Variants in NPHP1 observed in about 807,000 individuals in gnomAD.
The protein encoded by NPHP1 is nephrocystin 1.
Under a neutral mutation model 90.4 loss-of-function variants are expected in NPHP1, and 70 were observed. The ratio of observed to expected loss-of-function variants is 0.77; its 90% CI spans 0.64 to 0.95. NPHP1 has a LOEUF of 0.95. NPHP1 is among the 40% of genes least tolerant of loss of function. The probability of loss-of-function intolerance (pLI) is 0.00; values close to 1 mark genes in which losing one functional copy is unlikely to be tolerated. For missense variants in NPHP1, 764 were observed against 795.9 expected (o/e 0.96, Z 0.48); for synonymous variants, 256 against 271.7 (o/e 0.94, Z 0.57).
intron 2 of NPHP1, chr2:110,185,313 C>A: frequency 2.7e-6 from 1 of 369,576 alleles, no homozygotes; most frequent in South Asian, 2.3e-5. Context: ...TGAGCACATG[C>A]AAGTGCCATG....
At chr2:110,129,867 C>T (rs1191304975) in intron 17 of NPHP1, among the ~76,000 whole-genome samples, 2 of 152,170 alleles carry the variant, frequency 1.3e-5, no homozygotes, top group South Asian at 2.1e-4. Flanking sequence ...CAAAGAAGCA[C>T]ATCAGGAAAG....
chr2:110,204,681 G>A (rs977275535), intron 1 of NPHP1, among the ~76,000 whole-genome samples: 2 of 151,888 alleles, frequency 1.3e-5, no homozygotes, highest in African/African-American at 4.8e-5. Context: ...ATTTTGGGAG[G>A]TTTCGCCTTT....
At chr2:110,125,753 T>C in intron 18 of NPHP1, 72 bp from the exon 19 acceptor site, 2 of 1,229,980 alleles carry the variant, frequency 1.6e-6, no homozygotes, top group South Asian at 1.2e-5. Context: ...GCAAATTTAC[T>C]CTGTAAATAA....
chr2:110,165,152 A>G lies in NPHP1; in HGVS notation c.628T>C (p.Tyr210His). The change falls in exon 7 of 20, where the codon TAT becomes CAT. Residue 210 changes from tyrosine (Y) to histidine (H), a missense_variant. Coordinates refer to ENST00000445609, the MANE Select transcript of NPHP1 (RefSeq NM_001128178.3). ...TCTTGGCCTTCTTCTTCTTCACTAT[A>G]AGGCTAAAAAACCATTGAAATGTGA... is the stretch of plus-strand genomic sequence containing the variant. Reference protein sequence around the residue: ...GLVPRTYLEPYSEEEEGQESS... With the variant: ...GLVPRTYLEPHSEEEEGQESS... 6.2e-7 allele frequency: 1 copy of G among 1,610,610 alleles called. No homozygotes were observed. Among genetic ancestry groups the G allele is most frequent in the Non-Finnish European group, 8.5e-7 (1 of 1,176,960 alleles).
intron 4 of NPHP1, among the ~76,000 whole-genome samples, chr2:110,172,963 T>TTC (rs1491514752): frequency 1.9e-5 from 2 of 106,122 alleles, no homozygotes; most frequent in African/African-American, 1.5e-4. Context: ...TTTCTTTTTC[T>TTC]TTTTTTTTTT....
chr2:110,153,569 T>G (rs897041322), intron 11 of NPHP1, among the ~76,000 whole-genome samples: 1 of 152,162 alleles, frequency 6.6e-6, no homozygotes, highest in African/African-American at 2.4e-5. Context: ...ATGTTAACAC[T>G]AGTAGACTGT....
chr2:110,191,147 G>C (rs542868824), intron 2 of NPHP1, among the ~76,000 whole-genome samples: 1 of 152,146 alleles, frequency 6.6e-6, no homozygotes, highest in Non-Finnish European at 1.5e-5. Context: ...CATCTCACTA[G>C]GGACTATCAG....
chr2:110,148,300 T>C (rs1264103962), intron 12 of NPHP1, among the ~76,000 whole-genome samples: 3 of 152,118 alleles, frequency 2.0e-5, no homozygotes, highest in Admixed American at 6.5e-5. Context: ...TCACGTGAGA[T>C]GCCTGCTCTC....
intron 4 of NPHP1, 105 bp from the exon 5 acceptor site, chr2:110,170,103 G>C: frequency 7.0e-7 from 1 of 1,419,322 alleles, no homozygotes; most frequent in Non-Finnish European, 9.9e-7. Flanking sequence ...ATTTGGAGCT[G>C]GCAAATAAAA....
At chr2:110,169,580 G>T (rs1349129459) in intron 5 of NPHP1, among the ~76,000 whole-genome samples, 2 of 152,022 alleles carry the variant, frequency 1.3e-5, no homozygotes, top group Non-Finnish European at 2.9e-5. Context: ...CCTAAATTAG[G>T]AATTCTCAAC....
At position 110,131,675 on chromosome 2, in the gene NPHP1, T is replaced by G; in HGVS notation, c.1642+4A>C. ...CACATAAGGAAGTGGCAAAGCCCAC[T>G]TACCAGTACTTTGCAAGCTCATCCT... On this transcript the variant is annotated splice_donor_region_variant and intron_variant, in intron 17 of 19. Coordinates refer to ENST00000445609, the MANE Select transcript of NPHP1 (RefSeq NM_001128178.3). 2.5e-6 allele frequency: 4 copies of G among 1,583,304 alleles called. No homozygotes were observed. The highest frequency in any genetic ancestry group is 3.5e-6 in the Non-Finnish European group (4 of 1,151,988).
intron 18 of NPHP1, 38 bp downstream of exon 18, chr2:110,129,148 T>G (rs762071663): frequency 2.6e-6 from 4 of 1,522,184 alleles, no homozygotes; most frequent in Non-Finnish European, 3.6e-6. Flanking sequence ...ACTGCTTCCA[T>G]AAGCCAGCAG....
At chr2:110,148,909 C>G (rs1029740206) in intron 12 of NPHP1, among the ~76,000 whole-genome samples, 1 of 152,118 alleles carries the variant, frequency 6.6e-6, no homozygotes, top group East Asian at 1.9e-4. Flanking sequence ...TAAAATCTAT[C>G]CAACCTTCAA....
At chr2:110,132,354 T>A (rs542300791) in intron 16 of NPHP1, among the ~76,000 whole-genome samples, 1 of 152,284 alleles carries the variant, frequency 6.6e-6, no homozygotes, top group African/African-American at 2.4e-5. Flanking sequence ...ACTAAAAGGA[T>A]TAAAATGAAG....
chr2:110,192,427 TGAA>T (rs1684822103), intron 2 of NPHP1, among the ~76,000 whole-genome samples: 1 of 151,860 alleles, frequency 6.6e-6, no homozygotes, highest in Non-Finnish European at 1.5e-5. Flanking sequence ...ATCAAATGAA[TGAA>T]ATAAAGCAAA....
At chr2:110,144,192 T>G in intron 15 of NPHP1, 1 of 405,812 alleles carries the variant, frequency 2.5e-6, no homozygotes, top group Non-Finnish European at 4.5e-6. Context: ...CTGCATCCTT[T>G]GACCCAGCAA....
At chr2:110,182,640 G>C (rs1002048562) in intron 2 of NPHP1, among the ~76,000 whole-genome samples, 2 of 152,134 alleles carry the variant, frequency 1.3e-5, no homozygotes, top group African/African-American at 2.4e-5. Flanking sequence ...GCTCCTGAAG[G>C]AAGGACTAAA....
At position 110,170,796 on chromosome 2, in the gene NPHP1, G is replaced by A. The variant is rs111943862; in HGVS notation, c.330-798C>T. 1.0e-3 allele frequency among the ~76,000 whole-genome samples: 152 copies of A among 152,250 alleles called. 1 individual carries two copies. The highest frequency in any genetic ancestry group is 1.7e-3 in the Non-Finnish European group (115 of 68,004). On this transcript the variant is annotated intron_variant, in intron 4 of 19. Coordinates refer to ENST00000445609, the MANE Select transcript of NPHP1 (RefSeq NM_001128178.3). ...TAATTAGGTCTTGAGAGATGATATG[G>A]AATTAATCAGGTAAAATGGGAGTAG...
At chr2:110,184,661 C>G in intron 2 of NPHP1, 1 of 765,390 alleles carries the variant, frequency 1.3e-6, no homozygotes, top group Non-Finnish European at 2.3e-6. Flanking sequence ...ATAAGGAGGG[C>G]TATGATTTCC....
Sources: allele counts gnomAD v4.1 joint callset (sites outside exome capture counted in the v4.1 genomes callset), GRCh38; gene constraint gnomAD v4.1.1; transcripts MANE v1.5; gene names NCBI Gene and HGNC (gene_info 2026-07-23, HGNC 2026-07-21).